The following SPAG17 variants were observed in gnomAD, a reference collection of about 807,000 sequenced individuals.
The protein encoded by SPAG17 is sperm associated antigen 17.
SPAG17 carries 169 observed loss-of-function variants against 273.6 expected under a neutral mutation model. The observed-to-expected ratio is 0.62, with a 90% CI of 0.55 to 0.70. The LOEUF is 0.70. Ranked by LOEUF, SPAG17 falls within the 30% of genes least tolerant of loss-of-function variation. The pLI is 0.00. For missense variants in SPAG17, 2,557 were observed against 2,627.8 expected (o/e 0.97, Z 0.59); for synonymous variants, 825 against 873.2 (o/e 0.94, Z 0.97).
chr1:118,010,375 C>T (rs574412460), intron 30 of SPAG17, among the ~76,000 whole-genome samples: 2 of 152,054 alleles, frequency 1.3e-5, no homozygotes, highest in South Asian at 4.2e-4. Flanking sequence ...ACACATAGAC[C>T]AATGGAACAG....
chr1:118,024,575 C>A (rs573164175), intron 27 of SPAG17, among the ~76,000 whole-genome samples: 9 of 151,816 alleles, frequency 5.9e-5, no homozygotes, highest in Non-Finnish European at 1.3e-4. Flanking sequence ...CATTGAGAAT[C>A]CCTTTTACTT....
intron 7 of SPAG17, among the ~76,000 whole-genome samples, chr1:118,094,509 G>A (rs777944821): frequency 3.3e-5 from 5 of 152,294 alleles, no homozygotes; most frequent in Non-Finnish European, 5.9e-5. Context: ...GGTTGGAAAG[G>A]TTGCAAATGC....
intron 25 of SPAG17, among the ~76,000 whole-genome samples, chr1:118,030,760 AG>A (rs1200566471): frequency 6.6e-6 from 1 of 152,142 alleles, no homozygotes; most frequent in Non-Finnish European, 1.5e-5. Flanking sequence ...GTCCCTGCAA[AG>A]GACATGAACT....
chr1:118,118,516 T>C (rs1018113794), intron 3 of SPAG17, among the ~76,000 whole-genome samples: 8 of 152,182 alleles, frequency 5.3e-5, no homozygotes, highest in African/African-American at 1.9e-4. Context: ...CAAGTAAATG[T>C]GCTTGGCGTG....
intron 29 of SPAG17, among the ~76,000 whole-genome samples, chr1:118,014,826 T>G (rs950954526): frequency 6.6e-6 from 1 of 152,174 alleles, no homozygotes; most frequent in Non-Finnish European, 1.5e-5. Flanking sequence ...AGAGCTCAGT[T>G]TTTGGTCACA....
intron 3 of SPAG17, among the ~76,000 whole-genome samples, chr1:118,137,996 G>A (rs1483944024): frequency 6.6e-6 from 1 of 152,122 alleles, no homozygotes; most frequent in Non-Finnish European, 1.5e-5. Flanking sequence ...CCCCCTCTAA[G>A]GAAACAAGGC....
chr1:118,107,503 C>T (rs1656473129), intron 4 of SPAG17, among the ~76,000 whole-genome samples: 1 of 152,080 alleles, frequency 6.6e-6, no homozygotes, highest in Non-Finnish European at 1.5e-5. Context: ...ATATTTACCT[C>T]CCCCACCTTC....
At position 117,996,763 on chromosome 1, in the gene SPAG17, A is replaced by G. The variant is rs1269141595; in HGVS notation, c.4777-20T>C. The G allele has an allele frequency of 1.9e-6, 3 of 1,571,824 alleles. No individual in the cohort carries two copies. The African/African-American group carries it at 4.1e-5, about 22-fold the overall frequency. On this transcript the variant is annotated intron_variant, in intron 32 of 48. Coordinates refer to ENST00000336338, the MANE Select transcript of SPAG17 (RefSeq NM_206996.4). ...CATGACCTAAGGGATAAAGTATGTA[A>G]GCAACTAAAAGAAAAGAAAGTCATA...
chr1:118,123,230 T>A (rs1405845838), intron 3 of SPAG17, among the ~76,000 whole-genome samples: 1 of 152,136 alleles, frequency 6.6e-6, no homozygotes, highest in African/African-American at 2.4e-5. Flanking sequence ...GGGCCAACTA[T>A]ATTGTAGTTA....
chr1:118,181,492 C>A (rs1017273666), intron 1 of SPAG17, among the ~76,000 whole-genome samples: 49 of 151,822 alleles, frequency 3.2e-4, no homozygotes, highest in Non-Finnish European at 5.7e-4. Flanking sequence ...CAAGAGAGAG[C>A]AGGGGAAGTT....
At chr1:118,133,053 G>T (rs1239273911) in intron 3 of SPAG17, among the ~76,000 whole-genome samples, 2 of 152,150 alleles carry the variant, frequency 1.3e-5, no homozygotes, top group African/African-American at 4.8e-5. Flanking sequence ...TTACAGGTGT[G>T]AGCCACCATG....
At chr1:117,974,582 A>C (rs1654936994) in intron 43 of SPAG17, among the ~76,000 whole-genome samples, 1 of 152,196 alleles carries the variant, frequency 6.6e-6, no homozygotes, top group Non-Finnish European at 1.5e-5. Context: ...TCATAGTTTT[A>C]AAAAGTGGTT....
At chr1:118,177,887 C>G (rs1660768758) in intron 1 of SPAG17, among the ~76,000 whole-genome samples, 1 of 152,056 alleles carries the variant, frequency 6.6e-6, no homozygotes, top group Admixed American at 6.6e-5. Context: ...ATAATTTTAA[C>G]AAACCAATAA....
At chr1:118,145,689 A>T (rs1250671240) in intron 3 of SPAG17, among the ~76,000 whole-genome samples, 1 of 152,102 alleles carries the variant, frequency 6.6e-6, no homozygotes, top group Non-Finnish European at 1.5e-5. Context: ...TTTCTTAAAA[A>T]TATGAGAATT....
intron 1 of SPAG17, among the ~76,000 whole-genome samples, chr1:118,159,256 T>C (rs1659797263): frequency 6.6e-6 from 1 of 152,234 alleles, no homozygotes; most frequent in Non-Finnish European, 1.5e-5. Context: ...TGTGCATGTA[T>C]ACACTGTCTG....
chr1:118,089,332 C>CGTGTGTGT (rs72374195), intron 10 of SPAG17, among the ~76,000 whole-genome samples: 17 of 135,882 alleles, frequency 1.3e-4, no homozygotes, highest in African/African-American at 4.7e-4. Flanking sequence ...ATGTAGATGA[C>CGTGTGTGT]GTGTGTGTGT....
At chr1:118,177,306 T>C (rs997397836) in intron 1 of SPAG17, among the ~76,000 whole-genome samples, 1 of 152,158 alleles carries the variant, frequency 6.6e-6, no homozygotes, top group Non-Finnish European at 1.5e-5. Flanking sequence ...TGGGAAAGCA[T>C]ATGAGCCAGT....
intron 20 of SPAG17, among the ~76,000 whole-genome samples, chr1:118,048,880 A>G (rs1650673640): frequency 6.6e-6 from 1 of 152,214 alleles, no homozygotes; most frequent in Non-Finnish European, 1.5e-5. Flanking sequence ...TGGGCGACAG[A>G]GCGAGACTCC....
At chr1:118,003,041 C>A (rs1025571771) in intron 32 of SPAG17, among the ~76,000 whole-genome samples, 5 of 152,164 alleles carry the variant, frequency 3.3e-5, no homozygotes, top group African/African-American at 1.2e-4. Flanking sequence ...AATCTCTCAG[C>A]ATTTGCTTGT....
Sources: gnomAD v4.1 joint callset for allele counts (sites outside exome capture counted in the v4.1 genomes callset) on GRCh38, gnomAD v4.1.1 for gene constraint, MANE v1.5 for transcripts, NCBI Gene and HGNC (gene_info 2026-07-23, HGNC 2026-07-21) for gene names.